Variants in HCCS observed in about 807,000 individuals in gnomAD.
The protein encoded by HCCS is holocytochrome c-type synthase.
A neutral mutation model predicts 24.2 loss-of-function variants in HCCS; 2 were observed. The observed-to-expected ratio is 0.08, with a 90% CI of 0.03 to 0.26. The LOEUF (loss-of-function observed/expected upper bound fraction) is 0.26. Among genes scored for constraint, HCCS ranks in the 10% least tolerant of loss-of-function variants. HCCS has a pLI of 1.00. For synonymous variants in HCCS, 73 were observed against 76.2 expected (o/e 0.96, Z 0.22); for missense variants, 150 against 213.3 (o/e 0.70, Z 1.85).
chrX:11,120,827 A>G (rs2045486025), intron 5 of HCCS, 80 bp from the exon 6 acceptor site: 9 of 792,811 alleles, frequency 1.1e-5, no homozygotes, highest in Non-Finnish European at 1.6e-5. Flanking sequence ...AAAAATGGAT[A>G]TTACTAAAAA....
At chrX:11,114,742 A>G in intron 2 of HCCS, 93 bp from the exon 3 acceptor site, 1 of 796,007 alleles carries the variant, frequency 1.3e-6, no homozygotes, top group Non-Finnish European at 1.9e-6. Flanking sequence ...GGTGGTAATC[A>G]TTGGTCAGAA....
chrX:11,117,711 C>T (rs1490498975), intron 4 of HCCS, among the ~76,000 whole-genome samples: 1 of 111,397 alleles, frequency 9.0e-6, no homozygotes, highest in African/African-American at 3.3e-5. Context: ...TGTGGAGTCC[C>T]AAGATCTGTA....
intron 6 of HCCS, 76 bp downstream of exon 6, chrX:11,121,069 T>A: frequency 1.2e-6 from 1 of 808,548 alleles, no homozygotes; most frequent in Non-Finnish European, 1.9e-6. Flanking sequence ...AAAACCAGTC[T>A]AAGAATTGCA....
rs753555295 is a variant in HCCS at position 11,120,958 on chromosome X, G to GTAT, written c.575_577dup (p.Tyr192dup). On this transcript the variant is annotated inframe_insertion, in exon 6 of 7. Transcript: ENST00000380762. ...TCCGGTTTGGAGGGAAAGCAAAAGA[G>GTAT]TATTCACCAAGGGCACGAATTCGTT... 6 of 1,208,797 alleles carry GTAT rather than the reference G, an allele frequency of 5.0e-6. No homozygotes were observed. In the African/African-American group the frequency reaches 1.0e-4, roughly 21 times the overall value.
intron 3 of HCCS, among the ~76,000 whole-genome samples, chrX:11,115,523 T>C (rs1245148312): frequency 8.9e-6 from 1 of 111,961 alleles, no homozygotes; most frequent in East Asian, 2.8e-4. Context: ...AAGTTTGGAA[T>C]CGTGTTTTAA....
chrX:11,121,071 AG>A (rs1448475710), intron 6 of HCCS, 78 bp downstream of exon 6: 8 of 776,936 alleles, frequency 1.0e-5, no homozygotes, highest in Non-Finnish European at 1.4e-5. Flanking sequence ...AACCAGTCTA[AG>A]AATTGCAGTG....
At position 11,112,067 on chromosome X, in the gene HCCS, T is replaced by G; in HGVS notation, c.7T>G (p.Leu3Val). The change falls in exon 2 of 7, where the codon TTG (leucine) becomes GTG (valine). Residue 3 changes from leucine (L) to valine (V), a missense_variant. Transcript: ENST00000380762. ...GTCAACACTGTTTCCAGCCATGGGT[T>G]TGTCTCCATCTGCTCCTGCTGTTGC... MGLSPSAPAVAVQ... is the reference protein window; with the variant it reads MGVSPSAPAVAVQ... The G allele has an allele frequency of 8.3e-7, 1 of 1,204,965 alleles. No individual in the cohort carries two copies. Among genetic ancestry groups the G allele is most frequent in the South Asian group, 1.8e-5 (1 of 56,856 alleles).
Position 11,112,212 on chromosome X carries a change from G to A in HCCS, c.100+52G>A, listed in dbSNP as rs779574956. ...AAAACAAAAGATAATTCACGGCTGG[G>A]TGCGGTGGTTCACGCCTGTGACAGC... On this transcript the variant is annotated intron_variant, in intron 2 of 6. Transcript: ENST00000380762. 8.1e-6 allele frequency: 8 copies of A among 986,785 alleles called. No homozygotes were observed. The Middle Eastern group carries it at 8.0e-4, about 99-fold the overall frequency. 81.3% of individuals were successfully genotyped at this position (986,785 alleles called of 1,213,427 possible).
chrX:11,118,312 T>C lies in HCCS; in HGVS notation c.402-189T>C, dbSNP rs752039902. 4 of 489,033 alleles carry C rather than the reference T, an allele frequency of 8.2e-6. No individual in the cohort carries two copies. In the East Asian group the frequency reaches 1.2e-4, roughly 15 times the overall value. The allele number at this position is 489,033 out of a possible 1,213,427, so 40.3% of individuals were successfully genotyped here. ...TGCTTCTATAGTAGCTTTGGATTTA[T>C]AGTGCTGCTCCATGATCATGGGTAA... is the stretch of plus-strand genomic sequence containing the variant. On this transcript the variant is annotated intron_variant, in intron 4 of 6. Transcript: ENST00000380762.
Position 11,117,295 on chromosome X carries a change from C to T in HCCS, c.281C>T (p.Pro94Leu), listed in dbSNP as rs1167826218. 8.3e-7 allele frequency: 1 copy of T among 1,209,478 alleles called. No homozygotes were observed. The highest frequency in any genetic ancestry group is 1.1e-6 in the Non-Finnish European group (1 of 893,333). The part of the protein sequence containing the change: ...LMPPPNQTPA[P>L]DQPFALSTVR... ...CCACCACCAAATCAAACACCAGCTC[C>T]AGATCAGCCATTTGCATTGTCTACT... Residue 94 changes from proline (P) to leucine (L), a missense_variant, in exon 4 of 7, where the codon CCA becomes CTA. By Grantham distance (98) the Pro-to-Leu change is moderately conservative. Coordinates refer to ENST00000380762, the MANE Select transcript of HCCS (RefSeq NM_005333.5).
At chrX:11,111,607 C>A (rs1484706624) in intron 1 of HCCS, 89 bp downstream of exon 1, 1 of 160,747 alleles carries the variant, frequency 6.2e-6, no homozygotes, top group African/African-American at 3.1e-5. Flanking sequence ...CCTATTCATG[C>A]GCCGCACCCT....
intron 5 of HCCS, among the ~76,000 whole-genome samples, chrX:11,120,346 G>T (rs758911723): frequency 9.0e-6 from 1 of 111,522 alleles, no homozygotes; most frequent in East Asian, 2.8e-4. Flanking sequence ...CCTCAGCAGG[G>T]GTCTGCGGGT....
At chrX:11,120,235 T>G (rs2045481425) in intron 5 of HCCS, among the ~76,000 whole-genome samples, 1 of 111,393 alleles carries the variant, frequency 9.0e-6, no homozygotes, top group Admixed American at 9.5e-5. Context: ...AGCCTGTAGG[T>G]GGGCTGTGAA....
chrX:11,121,332 T>A (rs1319407761), intron 6 of HCCS, among the ~76,000 whole-genome samples: 1 of 112,643 alleles, frequency 8.9e-6, no homozygotes, highest in East Asian at 2.8e-4. Flanking sequence ...CACACCTGCA[T>A]CTCTGCAGTA....
chrX:11,115,839 C>T (rs961748885), intron 3 of HCCS, among the ~76,000 whole-genome samples: 1 of 111,702 alleles, frequency 9.0e-6, no homozygotes. Flanking sequence ...TTCTGTGGGC[C>T]GTAGGGTCTC....
rs2045502311 is a variant in HCCS, at chrX:11,122,764, T to A, written c.*954T>A. 3.5e-5 allele frequency: 4 copies of A among 112,739 alleles called. No individual in the cohort carries two copies. Among genetic ancestry groups the A allele is most frequent in the South Asian group, 7.3e-4 (2 of 2,756 alleles). 9.3% of individuals were successfully genotyped at this position (112,739 alleles called of 1,213,427 possible). ...AGAACGCTTCAACTCAGTCTAGATTTTTTTTGTTTGTTTTAAGGAAGCTCT... is the reference window on the plus strand; with the variant it reads ...AGAACGCTTCAACTCAGTCTAGATTATTTTTGTTTGTTTTAAGGAAGCTCT... On this transcript the variant is annotated 3_prime_UTR_variant, in exon 7 of 7. Transcript: ENST00000380762.
At position 11,121,987 on chromosome X, in the gene HCCS, T is replaced by G. The variant is rs1446051262; in HGVS notation, c.*177T>G. ...GTTCACTTTTGACTTGTGTTGTACC[T>G]TGCAGTTTATAGCAGATCATTTTGT... On this transcript the variant is annotated 3_prime_UTR_variant, in exon 7 of 7. Coordinates refer to ENST00000380762, the MANE Select transcript of HCCS (RefSeq NM_005333.5). The G allele has an allele frequency of 8.8e-6, 4 of 453,801 alleles. No homozygotes were observed. In the Admixed American group the frequency reaches 1.4e-4, roughly 16 times the overall value. The allele number at this position is 453,801 out of a possible 1,213,427, so 37.4% of individuals were successfully genotyped here.
chrX:11,114,282 G>A (rs2045432963), intron 2 of HCCS, among the ~76,000 whole-genome samples: 1 of 112,988 alleles, frequency 8.9e-6, no homozygotes, highest in Admixed American at 9.3e-5. Context: ...ACAAAGCAGA[G>A]TGGCATTCAG....
rs2045466176 is a variant in HCCS, at chrX:11,118,520, G to A, written c.421G>A (p.Asp141Asn). The stretch of plus-strand genomic sequence containing the variant: ...TCCTAGGTGGAAGTGGAAGGATGAG[G>A]ATATCAGTCAGAAGGATATGTATAA... ...LKKGWKWKDEDISQKDMYNII... is the reference protein window; with the variant it reads ...LKKGWKWKDENISQKDMYNII... The change falls in exon 5 of 7, where the codon GAT becomes AAT. Residue 141 changes from aspartate to asparagine, a missense_variant. Asp to Asn is a conservative substitution (Grantham distance 23). Around this residue, in one of 2 missense-constraint regions of HCCS, gnomAD observed 55 missense variants for 134.2 expected, o/e 0.41. Coordinates refer to ENST00000380762, the MANE Select transcript of HCCS (RefSeq NM_005333.5). 1 of 1,187,584 alleles carries A rather than the reference G, an allele frequency of 8.4e-7. No homozygotes were observed. The highest frequency in any genetic ancestry group is 1.8e-5 in the African/African-American group (1 of 56,778).
Sources: allele counts gnomAD v4.1 joint callset (sites outside exome capture counted in the v4.1 genomes callset), GRCh38; gene constraint gnomAD v4.1.1; regional missense constraint gnomAD v4.1.1; transcripts MANE v1.5; gene names NCBI Gene and HGNC (gene_info 2026-07-23, HGNC 2026-07-21).